HACE1: variants seen among roughly 807,000 people sequenced by gnomAD.
HACE1 encodes E3 ubiquitin-protein ligase HACE1.
HACE1 carries 73 observed loss-of-function variants against 118.4 expected under a neutral mutation model. The ratio of observed to expected loss-of-function variants is 0.62; its 90% confidence interval spans 0.51 to 0.75. The LOEUF (loss-of-function observed/expected upper bound fraction) is 0.75. HACE1 is among the 30% of genes least tolerant of loss of function. The probability of loss-of-function intolerance (pLI) is 0.00; values close to 1 mark genes in which losing one functional copy is unlikely to be tolerated. For missense variants in HACE1, 749 were observed against 1,102.2 expected, an observed-to-expected ratio of 0.68 and a Z score of 4.54; for synonymous variants, 368 against 374.8, an observed-to-expected ratio of 0.98 and a Z score of 0.21.
At chr6:104,758,376 G>A (rs1293447732) in intron 19 of HACE1, among the ~76,000 whole-genome samples, 1 of 152,194 alleles carries the variant, frequency 6.6e-6, no homozygotes, top group Non-Finnish European at 1.5e-5. Context: ...CAAACCAGAA[G>A]AGAATGGGGG....
intron 7 of HACE1, among the ~76,000 whole-genome samples, chr6:104,807,019 CTT>C (rs371450175): frequency 4.6e-5 from 6 of 129,136 alleles, no homozygotes; most frequent in African/African-American, 8.5e-5. Flanking sequence ...TGTAAGAATT[CTT>C]TTTTTTTTTT....
chr6:104,738,321 T>A (rs1235525044), intron 22 of HACE1, among the ~76,000 whole-genome samples: 1 of 152,104 alleles, frequency 6.6e-6, no homozygotes. Flanking sequence ...GGATGGAGAA[T>A]GACTTTGATG....
chr6:104,775,013 A>G (rs1781074719), intron 17 of HACE1, among the ~76,000 whole-genome samples: 1 of 152,164 alleles, frequency 6.6e-6, no homozygotes, highest in Non-Finnish European at 1.5e-5. Context: ...CTATGACACC[A>G]AAGAGGAGAC....
intron 22 of HACE1, among the ~76,000 whole-genome samples, chr6:104,735,682 A>G (rs1207755650): frequency 6.6e-6 from 1 of 152,182 alleles, no homozygotes; most frequent in Admixed American, 6.5e-5. Context: ...AAAGGAGTAC[A>G]TTCTCTCATT....
intron 6 of HACE1, among the ~76,000 whole-genome samples, chr6:104,818,925 C>A (rs1238566332): frequency 6.6e-6 from 1 of 151,982 alleles, no homozygotes; most frequent in Non-Finnish European, 1.5e-5. Context: ...AAACTCACAG[C>A]CAGTATCATA....
intron 1 of HACE1, chr6:104,858,332 T>C (rs979535444): frequency 2.9e-5 from 6 of 208,226 alleles, no homozygotes; most frequent in Non-Finnish European, 6.0e-5. Context: ...AAAGAAAATA[T>C]AGAAAAAGTT....
chr6:104,740,515 G>C (rs1776537409), intron 22 of HACE1, among the ~76,000 whole-genome samples: 1 of 152,168 alleles, frequency 6.6e-6, no homozygotes, highest in Non-Finnish European at 1.5e-5. Flanking sequence ...ACTACCATCA[G>C]AGAATACTAC....
In HACE1 at chr6:104,849,207, T is replaced by C; in HGVS notation, c.261A>G (p.Lys87=). The part of the protein sequence containing the change: ...SVECLVLLLK[K]GANPNYQDIS... ...TATCTTGATAGTTAGGATTTGCTCCTTTCTTTAACAGCAAAACCAAGCATT... is the reference window on the plus strand; with the variant it reads ...TATCTTGATAGTTAGGATTTGCTCCCTTCTTTAACAGCAAAACCAAGCATT... Residue 87 remains lysine (K), a synonymous_variant, in exon 4 of 24, where the codon AAA becomes AAG. Transcript: ENST00000262903. The C allele has an allele frequency of 4.3e-6, 7 of 1,611,440 alleles. No individual in the cohort carries two copies. Among genetic ancestry groups the C allele is most frequent in the Non-Finnish European group, 5.9e-6 (7 of 1,177,534 alleles).
chr6:104,856,411 T>A, intron 1 of HACE1, among the ~76,000 whole-genome samples: 1 of 151,866 alleles, frequency 6.6e-6, no homozygotes, highest in Non-Finnish European at 1.5e-5. Context: ...TTACATACAC[T>A]AACAACATAC....
At chr6:104,784,892 AATT>A in intron 12 of HACE1, 90 bp downstream of exon 12, 1 of 852,816 alleles carries the variant, frequency 1.2e-6, no homozygotes, top group Non-Finnish European at 1.9e-6. Flanking sequence ...TAAATCAACA[AATT>A]ATTATTTGTT....
Position 104,797,003 on chromosome 6 carries a change from G to A in HACE1, c.640C>T (p.Gln214Ter). Residue 214 changes from glutamine to a stop codon, truncating the protein, a stop_gained, in exon 8 of 24, where the codon CAG becomes TAG. Coordinates refer to ENST00000262903, the MANE Select transcript of HACE1 (RefSeq NM_020771.4). LOFTEE classifies it high-confidence loss of function. ...ACSHGQRDTA[Q>*]ILLLRGAKYL... ...TTGGCTCCTCGTAATAGTAGGATCT[G>A]TGCTGTATCTCTCTGACCATGACTG... 6.3e-7 allele frequency: 1 copy of A among 1,590,636 alleles called. No homozygotes were observed. The highest frequency in any genetic ancestry group is 8.6e-7 in the Non-Finnish European group (1 of 1,158,816).
At chr6:104,800,041 C>A (rs1441584098) in intron 7 of HACE1, among the ~76,000 whole-genome samples, 1 of 152,156 alleles carries the variant, frequency 6.6e-6, no homozygotes, top group Non-Finnish European at 1.5e-5. Flanking sequence ...TAGTAAACGA[C>A]ACACCAGGAG....
intron 19 of HACE1, among the ~76,000 whole-genome samples, chr6:104,756,932 T>C (rs1297838234): frequency 6.6e-6 from 1 of 152,216 alleles, no homozygotes; most frequent in Non-Finnish European, 1.5e-5. Context: ...CCATGGAGCC[T>C]TGCTTGCTGC....
At chr6:104,781,751 C>G (rs1781766827) in intron 14 of HACE1, among the ~76,000 whole-genome samples, 1 of 152,054 alleles carries the variant, frequency 6.6e-6, no homozygotes, top group Admixed American at 6.6e-5. Flanking sequence ...CCTCCTTATG[C>G]CACTCTAACC....
At chr6:104,849,723 A>C (rs1471150409) in intron 3 of HACE1, among the ~76,000 whole-genome samples, 1 of 147,540 alleles carries the variant, frequency 6.8e-6, no homozygotes, top group Non-Finnish European at 1.5e-5. Context: ...ATGTCAGCTC[A>C]CTGCAAGCTC....
chr6:104,819,984 CAA>C (rs1206898804), intron 6 of HACE1, among the ~76,000 whole-genome samples: 1 of 152,062 alleles, frequency 6.6e-6, no homozygotes, highest in African/African-American at 2.4e-5. Context: ...ATCACTAGGT[CAA>C]GAGTTCGAGA....
At chr6:104,741,392 A>T (rs1235890183) in intron 22 of HACE1, among the ~76,000 whole-genome samples, 1 of 151,418 alleles carries the variant, frequency 6.6e-6, no homozygotes, top group Non-Finnish European at 1.5e-5. Flanking sequence ...AGATGACATG[A>T]TTGTATATTT....
Position 104,735,828 on chromosome 6 carries a change from C to T in HACE1, c.2514-5412G>A, listed in dbSNP as rs1582568840. The stretch of plus-strand genomic sequence containing the variant: ...AGACTGTCCCACAAGGATAGAAGCA[C>T]AAAATATTCCTTATTCATAAATAGG... On this transcript the variant is annotated intron_variant, in intron 22 of 23. Transcript: ENST00000262903. 9.2e-5 allele frequency among the ~76,000 whole-genome samples: 14 copies of T among 152,026 alleles called. 3 individuals are homozygous for T. The South Asian group carries it at 2.9e-3, about 32-fold the overall frequency.
At chr6:104,816,167 T>C (rs1562436177) in intron 6 of HACE1, among the ~76,000 whole-genome samples, 1 of 151,566 alleles carries the variant, frequency 6.6e-6, no homozygotes, top group African/African-American at 2.4e-5. Flanking sequence ...TGGGGAGAAA[T>C]TCAAGCCAGC....
Sources: allele counts gnomAD v4.1 joint callset (sites outside exome capture counted in the v4.1 genomes callset), GRCh38; gene constraint gnomAD v4.1.1; transcripts MANE v1.5; gene names NCBI Gene and HGNC (gene_info 2026-07-23, HGNC 2026-07-21).